Variants in SPECC1 observed in about 807,000 individuals in gnomAD.
SPECC1 encodes the protein sperm antigen with calponin homology and coiled-coil domains 1, also known as cytospin-B.
A neutral mutation model predicts 104.1 loss-of-function variants in SPECC1; 62 were observed. The ratio of observed to expected loss-of-function variants is 0.60; its 90% CI spans 0.49 to 0.74. The LOEUF (loss-of-function observed/expected upper bound fraction) is 0.74. Ranked by LOEUF, SPECC1 falls within the 30% of genes least tolerant of loss-of-function variation. The pLI, the probability that SPECC1 is intolerant of heterozygous loss-of-function variation, is 0.00. For synonymous variants in SPECC1, 513 were observed against 501.6 expected, an observed-to-expected ratio of 1.02 and a Z score of -0.30; for missense variants, 1,306 against 1,310.5, an observed-to-expected ratio of 1.00 and a Z score of 0.05.
chr17:20,034,348 C>T (rs946111693), intron 1 of SPECC1, among the ~76,000 whole-genome samples: 22 of 152,076 alleles, frequency 1.4e-4, no homozygotes, highest in African/African-American at 4.3e-4. Context: ...CCACCTGCCC[C>T]GGCCTCCCAA....
At chr17:20,273,114 T>C (rs975133407) in intron 12 of SPECC1, among the ~76,000 whole-genome samples, 2 of 152,208 alleles carry the variant, frequency 1.3e-5, no homozygotes, top group African/African-American at 4.8e-5. Flanking sequence ...GCACATCCAT[T>C]CTCCAGAGAA....
intron 3 of SPECC1, among the ~76,000 whole-genome samples, chr17:20,198,396 G>C (rs377549659): frequency 1.3e-4 from 20 of 152,332 alleles, no homozygotes; most frequent in African/African-American, 4.6e-4. Context: ...CCATTGCAGT[G>C]ACATTGAAAA....
intron 13 of SPECC1, among the ~76,000 whole-genome samples, chr17:20,298,039 A>T (rs1207971065): frequency 6.6e-6 from 1 of 152,170 alleles, no homozygotes; most frequent in African/African-American, 2.4e-5. Flanking sequence ...GACCAGGGAG[A>T]CTGCAGCGGT....
chr17:20,132,110 G>T (rs562805802), intron 3 of SPECC1, among the ~76,000 whole-genome samples: 1 of 152,024 alleles, frequency 6.6e-6, no homozygotes, highest in South Asian at 2.1e-4. Flanking sequence ...ACCATGAGTG[G>T]ATTTTGAATT....
chr17:20,028,245 A>T (rs1282093760), intron 1 of SPECC1, among the ~76,000 whole-genome samples: 1 of 127,968 alleles, frequency 7.8e-6, no homozygotes, highest in African/African-American at 3.1e-5. Context: ...GCAGCACTTT[A>T]GTGTGATGGA....
intron 9 of SPECC1, among the ~76,000 whole-genome samples, chr17:20,252,216 T>C (rs952059497): frequency 2.6e-5 from 4 of 152,210 alleles, no homozygotes; most frequent in South Asian, 4.1e-4. Flanking sequence ...TTTTTAAGTA[T>C]TGTTAACTAG....
At chr17:20,259,409 A>G (rs1264063702) in intron 11 of SPECC1, among the ~76,000 whole-genome samples, 1 of 152,216 alleles carries the variant, frequency 6.6e-6, no homozygotes, top group Non-Finnish European at 1.5e-5. Context: ...TAAATTAGTA[A>G]AATTCTTATT....
intron 13 of SPECC1, among the ~76,000 whole-genome samples, chr17:20,297,369 A>T (rs1028145737): frequency 1.3e-5 from 2 of 152,374 alleles, no homozygotes; most frequent in South Asian, 4.1e-4. Context: ...TCCCTGTTCA[A>T]ATAAGTCTTG....
intron 12 of SPECC1, among the ~76,000 whole-genome samples, chr17:20,289,495 G>C (rs2041084453): frequency 6.6e-6 from 1 of 152,120 alleles, no homozygotes; most frequent in Admixed American, 6.5e-5. Flanking sequence ...TAGAGATGGG[G>C]TTTCACCATG....
intron 4 of SPECC1, among the ~76,000 whole-genome samples, chr17:20,216,852 G>A (rs1344727980): frequency 1.3e-5 from 2 of 152,132 alleles, no homozygotes; most frequent in African/African-American, 4.8e-5. Context: ...TTGACCTAGA[G>A]AAGTTAAACT....
At chr17:20,034,095 C>CTTTTTTTT (rs34012755) in intron 1 of SPECC1, among the ~76,000 whole-genome samples, 1 of 144,842 alleles carries the variant, frequency 6.9e-6, no homozygotes, top group Non-Finnish European at 1.5e-5. Flanking sequence ...GTTTGATATT[C>CTTTTTTTT]TTTTTTTTTT....
intron 12 of SPECC1, among the ~76,000 whole-genome samples, chr17:20,286,674 C>T (rs1221443643): frequency 6.6e-6 from 1 of 152,180 alleles, no homozygotes; most frequent in East Asian, 1.9e-4. Context: ...GCCTGGTGCC[C>T]AGTATATTGG....
chr17:20,100,005 A>C (rs1017925288), intron 2 of SPECC1, among the ~76,000 whole-genome samples: 1 of 152,192 alleles, frequency 6.6e-6, no homozygotes, highest in Non-Finnish European at 1.5e-5. Flanking sequence ...AGTGATCTCT[A>C]GATTACTTAT....
chr17:20,048,824 C>T (rs1222600422), intron 1 of SPECC1, among the ~76,000 whole-genome samples: 4 of 151,276 alleles, frequency 2.6e-5, no homozygotes, highest in African/African-American at 7.3e-5. Context: ...CCCAGGAGGT[C>T]GAGGCTGCAG....
chr17:20,145,052 T>C (rs1282316116), intron 3 of SPECC1, among the ~76,000 whole-genome samples: 1 of 152,256 alleles, frequency 6.6e-6, no homozygotes, highest in Non-Finnish European at 1.5e-5. Flanking sequence ...ACATATTTTA[T>C]AGTTTGCTGT....
chr17:20,293,655 G>T (rs2041244694), intron 12 of SPECC1, among the ~76,000 whole-genome samples: 1 of 152,192 alleles, frequency 6.6e-6, no homozygotes, highest in African/African-American at 2.4e-5. Context: ...GCAGGAAGGA[G>T]CCCTAGACTT....
chr17:20,274,102 C>T (rs924625101), intron 12 of SPECC1, among the ~76,000 whole-genome samples: 1 of 152,178 alleles, frequency 6.6e-6, no homozygotes, highest in African/African-American at 2.4e-5. Context: ...CCCTTTTGTT[C>T]CTTCTGGAGT....
chr17:20,229,646 C>T (rs1407632521), intron 5 of SPECC1, among the ~76,000 whole-genome samples: 1 of 152,130 alleles, frequency 6.6e-6, no homozygotes, highest in Non-Finnish European at 1.5e-5. Context: ...TGCACTCCAG[C>T]CTGGGCAATA....
At position 20,112,847 on chromosome 17, in the gene SPECC1, G is replaced by T; in HGVS notation, c.283+2285G>T. 3 of 1,590,270 alleles carry T rather than the reference G, an allele frequency of 1.9e-6. No individual in the cohort carries two copies. In the Admixed American group the frequency reaches 5.0e-5, roughly 27 times the overall value. On this transcript the variant is annotated intron_variant, in intron 3 of 14. Coordinates refer to ENST00000395527, the MANE Select transcript of SPECC1 (RefSeq NM_001243439.2). ...GTTGAAGAACTGTAACCTCAGAGGA[G>T]CAACTCTGGCAGGAACTGATTTAGA...
Sources: gnomAD v4.1 joint callset for allele counts (sites outside exome capture counted in the v4.1 genomes callset) on GRCh38, gnomAD v4.1.1 for gene constraint, MANE v1.5 for transcripts, NCBI Gene and HGNC (gene_info 2026-07-23, HGNC 2026-07-21) for gene names.